Variants in ZNF827 observed in about 807,000 individuals in gnomAD.
The protein encoded by ZNF827 is zinc finger protein 827.
ZNF827 carries 13 observed loss-of-function variants against 102.4 expected under a neutral mutation model. That is an observed-to-expected ratio of 0.13 (90% confidence interval 0.08 to 0.20). The LOEUF is 0.20. ZNF827 is among the 10% of genes least tolerant of loss of function. The pLI is 1.00. For missense variants in ZNF827, 1,103 were observed against 1,344.4 expected, an observed-to-expected ratio of 0.82 and a Z score of 2.81; for synonymous variants, 523 against 536.2, an observed-to-expected ratio of 0.98 and a Z score of 0.34.
At chr4:145,834,805 A>C (rs533675686) in intron 7 of ZNF827, among the ~76,000 whole-genome samples, 1 of 152,252 alleles carries the variant, frequency 6.6e-6, no homozygotes, top group African/African-American at 2.4e-5. Context: ...ACATTAAATA[A>C]AACTCCAAAA....
rs1028573785 is a variant in ZNF827, at chr4:145,762,397, C to T, written c.*17+693G>A. 1.3e-5 allele frequency among the ~76,000 whole-genome samples: 2 copies of T among 152,088 alleles called. No individual in the cohort carries two copies. The highest frequency in any genetic ancestry group is 4.8e-5 in the African/African-American group (2 of 41,402). ...AGACATTATTAATACATGATTATGC[C>T]GGAGATAGGATAATAATCCAACTGG... On this transcript the variant is annotated intron_variant, in intron 14 of 14. Transcript: ENST00000508784. The surrounding 1 kb of genome is among the most constrained non-coding windows in gnomAD (Gnocchi z 4.9).
rs1380934413 is a variant in ZNF827, at chr4:145,761,486, G to C, written c.*130C>G. 7.8e-7 allele frequency: 1 copy of C among 1,289,856 alleles called. No homozygotes were observed. Among genetic ancestry groups the C allele is most frequent in the Admixed American group, 2.3e-5 (1 of 43,574 alleles). The allele number at this position is 1,289,856 out of a possible 1,614,324, so 79.9% of individuals were successfully genotyped here. On this transcript the variant is annotated 3_prime_UTR_variant, in exon 15 of 15. Coordinates refer to ENST00000508784, the MANE Select transcript of ZNF827 (RefSeq NM_001306215.2). The surrounding 1 kb of genome is among the most constrained non-coding windows in gnomAD (Gnocchi z 6.8). ...CGGGTGTGCGTCTCCAGCTCCAGCTGGTTGGCCTTCACCGTCTGGCAGATC... is the reference window on the plus strand; with the variant it reads ...CGGGTGTGCGTCTCCAGCTCCAGCTCGTTGGCCTTCACCGTCTGGCAGATC...
chr4:145,888,705 A>C (rs969191725), intron 3 of ZNF827, among the ~76,000 whole-genome samples: 2 of 152,146 alleles, frequency 1.3e-5, no homozygotes, highest in African/African-American at 4.8e-5. Flanking sequence ...CTAATACTTC[A>C]CCAGTGTTCT....
Position 145,779,717 on chromosome 4 carries a change from CCT to C in ZNF827, c.2384-208_2384-207del, listed in dbSNP as rs1284053787. Among the ~76,000 whole-genome samples the C allele has an allele frequency of 3.3e-5, 5 of 152,328 alleles. No individual in the cohort carries two copies. In the East Asian group the frequency reaches 7.7e-4, roughly 23 times the overall value. ...CTGCGGTGGCAAGTGGATTCCGACCCCTGTCAATTCTTCAGTATTTTCTCTCT... is the reference window on the plus strand; with the variant it reads ...CTGCGGTGGCAAGTGGATTCCGACCCGTCAATTCTTCAGTATTTTCTCTCT... On this transcript the variant is annotated intron_variant, in intron 8 of 14. Transcript: ENST00000508784.
At chr4:145,887,074 C>T (rs1264436420) in intron 3 of ZNF827, among the ~76,000 whole-genome samples, 1 of 152,268 alleles carries the variant, frequency 6.6e-6, no homozygotes, top group African/African-American at 2.4e-5. Flanking sequence ...TGACCTGCTA[C>T]ACTCTGCTAT....
chr4:145,807,655 A>G (rs1356973336), intron 8 of ZNF827, among the ~76,000 whole-genome samples: 5 of 151,968 alleles, frequency 3.3e-5, no homozygotes, highest in Non-Finnish European at 5.9e-5. Flanking sequence ...TATTTTTAGT[A>G]GAGATGGGGT....
At chr4:145,938,131 G>T (rs1045876741) in intron 1 of ZNF827, among the ~76,000 whole-genome samples, 1 of 151,716 alleles carries the variant, frequency 6.6e-6, no homozygotes, top group Non-Finnish European at 1.5e-5. Context: ...AAGGGGGGGG[G>T]TGAGAGAAAG....
chr4:145,913,907 T>C (rs1011057833), intron 1 of ZNF827, among the ~76,000 whole-genome samples: 5 of 152,220 alleles, frequency 3.3e-5, no homozygotes, highest in Non-Finnish European at 5.9e-5. Flanking sequence ...AGGAAGTCTT[T>C]ACTAGGTCAA....
In ZNF827 at chr4:145,826,292, G is replaced by C. The variant is rs535919267; in HGVS notation, c.2280-2767C>G. 2.6e-5 allele frequency among the ~76,000 whole-genome samples: 4 copies of C among 152,346 alleles called. No individual in the cohort carries two copies. The East Asian group carries it at 7.7e-4, about 29-fold the overall frequency. Reference sequence around the variant, plus strand: ...CAACGCCATCTTTTAGAGGGGTGCTGTAAGGGTTCAAATGAGATGTTTCAT... The same window carrying C: ...CAACGCCATCTTTTAGAGGGGTGCTCTAAGGGTTCAAATGAGATGTTTCAT... On this transcript the variant is annotated intron_variant, in intron 7 of 14. Coordinates refer to ENST00000508784, the MANE Select transcript of ZNF827 (RefSeq NM_001306215.2).
intron 8 of ZNF827, among the ~76,000 whole-genome samples, chr4:145,780,617 G>A (rs966960582): frequency 1.3e-5 from 2 of 152,080 alleles, no homozygotes; most frequent in African/African-American, 4.8e-5. Context: ...TTGTGGAACT[G>A]TACCAGATTA....
intron 3 of ZNF827, among the ~76,000 whole-genome samples, chr4:145,889,210 A>AT (rs1248185558): frequency 6.6e-6 from 1 of 152,168 alleles, no homozygotes; most frequent in African/African-American, 2.4e-5. Flanking sequence ...TTTTAGAGTA[A>AT]TTTTTTATAC....
At chr4:145,928,715 C>T (rs1335647034) in intron 1 of ZNF827, among the ~76,000 whole-genome samples, 1 of 152,316 alleles carries the variant, frequency 6.6e-6, no homozygotes, top group African/African-American at 2.4e-5. Context: ...TTGATACTGC[C>T]ATCAAATGTG....
In ZNF827 at chr4:145,902,042, G is replaced by GTAAAGATA; in HGVS notation, c.1093+123_1093+124insTATCTTTA. The GTAAAGATA allele has an allele frequency of 8.0e-7, 1 of 1,253,560 alleles. No homozygotes were observed. 77.7% of individuals were successfully genotyped at this position (1,253,560 alleles called of 1,614,324 possible). On this transcript the variant is annotated intron_variant, in intron 2 of 14. Transcript: ENST00000508784. The surrounding 1 kb of genome is among the most constrained non-coding windows in gnomAD (Gnocchi z 4.3). ...TGCTTACTTAAAGTATTTTTGTTGT[G>GTAAAGATA]CTCTTGCTTTTTTATTCCTGCCTCA...
At chr4:145,881,993 C>T (rs1749708208) in intron 4 of ZNF827, among the ~76,000 whole-genome samples, 1 of 152,218 alleles carries the variant, frequency 6.6e-6, no homozygotes, top group Non-Finnish European at 1.5e-5. Flanking sequence ...ATGTCCAGGG[C>T]CTATCCCAGT....
At position 145,909,623 on chromosome 4, in the gene ZNF827, A is replaced by C. The variant is rs1264812204; in HGVS notation, c.44-6408T>G. On this transcript the variant is annotated intron_variant, in intron 1 of 14. Coordinates refer to ENST00000508784, the MANE Select transcript of ZNF827 (RefSeq NM_001306215.2). ...TTCTACAATGGGCTCAATGTGGGTC[A>C]CAGAAGAAAGGAGAGGGAAGAGGTA... 2.6e-5 allele frequency among the ~76,000 whole-genome samples: 4 copies of C among 152,376 alleles called. No homozygotes were observed. The East Asian group carries it at 7.7e-4, about 29-fold the overall frequency.
chr4:145,919,153 C>T (rs867154859), intron 1 of ZNF827, among the ~76,000 whole-genome samples: 2 of 152,140 alleles, frequency 1.3e-5, no homozygotes, highest in Middle Eastern at 6.8e-3. Context: ...ACTTGGGAGG[C>T]TAAGGTGGGA....
intron 2 of ZNF827, among the ~76,000 whole-genome samples, chr4:145,901,656 T>C (rs1257338576): frequency 6.6e-6 from 1 of 152,262 alleles, no homozygotes; most frequent in East Asian, 1.9e-4. Context: ...CAAAAAGTAA[T>C]AAAAATGCTA....
intron 5 of ZNF827, among the ~76,000 whole-genome samples, chr4:145,861,022 C>A (rs1747675391): frequency 6.6e-6 from 1 of 152,190 alleles, no homozygotes; most frequent in Non-Finnish European, 1.5e-5. Flanking sequence ...GCAGTAGAGC[C>A]CTTGCCCAGT....
At chr4:145,768,204 G>GC (rs1735615313) in intron 11 of ZNF827, among the ~76,000 whole-genome samples, 1 of 152,128 alleles carries the variant, frequency 6.6e-6, no homozygotes, top group Non-Finnish European at 1.5e-5. Context: ...TCACTCTGTT[G>GC]CCCAAGCTGG....
Sources: allele counts gnomAD v4.1 joint callset (sites outside exome capture counted in the v4.1 genomes callset), GRCh38; gene constraint gnomAD v4.1.1; non-coding constraint Gnocchi (gnomAD v3.1); transcripts MANE v1.5; gene names NCBI Gene and HGNC (gene_info 2026-07-23, HGNC 2026-07-21).